Variants in AFG2A observed in about 807,000 individuals in gnomAD.
The protein encoded by AFG2A is AAA ATPase AFG2A.
the AFG2A span, among the ~76,000 whole-genome samples, chr4:123,106,710 G>A: frequency 1.3e-5 from 2 of 152,216 alleles, no homozygotes; most frequent in African/African-American, 2.4e-5. Context: ...AGGGGACTTG[G>A]AGTGTTGCTT....
At chr4:123,123,556 A>T in the AFG2A span, among the ~76,000 whole-genome samples, 1 of 152,156 alleles carries the variant, frequency 6.6e-6, no homozygotes, top group Non-Finnish European at 1.5e-5. Context: ...TATCTGGTAT[A>T]CTCTGCAATA....
the AFG2A span, among the ~76,000 whole-genome samples, chr4:123,271,003 G>T: frequency 2.0e-5 from 3 of 152,132 alleles, no homozygotes; most frequent in Non-Finnish European, 2.9e-5. Context: ...CACCTATGAA[G>T]AAGCAAAGCC....
At chr4:123,319,127 T>G in the AFG2A span, 1 of 152,212 alleles carries the variant, frequency 6.6e-6, no homozygotes, top group Non-Finnish European at 1.5e-5. Flanking sequence ...TCTGTCTTAT[T>G]TCTAATGTGT....
the AFG2A span, among the ~76,000 whole-genome samples, chr4:123,100,492 T>A: frequency 9.9e-5 from 15 of 152,076 alleles, no homozygotes; most frequent in Non-Finnish European, 1.8e-4. Flanking sequence ...TAAAGCATTC[T>A]CATCTTTTTC....
At chr4:122,994,312 T>C in the AFG2A span, among the ~76,000 whole-genome samples, 6 of 152,288 alleles carry the variant, frequency 3.9e-5, no homozygotes, top group African/African-American at 1.4e-4. Flanking sequence ...AACATTTTGC[T>C]GCTTTTATCT....
At chr4:123,241,725 A>G in the AFG2A span, among the ~76,000 whole-genome samples, 1 of 152,220 alleles carries the variant, frequency 6.6e-6, no homozygotes, top group South Asian at 2.1e-4. Context: ...CCGGCAGAAG[A>G]CAAGGATGCC....
the AFG2A span, among the ~76,000 whole-genome samples, chr4:123,202,247 G>T: frequency 2.0e-5 from 3 of 152,112 alleles, no homozygotes; most frequent in Non-Finnish European, 4.4e-5. Flanking sequence ...TCAGAACAGT[G>T]ATCTCTGAAC....
At chr4:123,276,235 T>G in the AFG2A span, among the ~76,000 whole-genome samples, 5 of 152,146 alleles carry the variant, frequency 3.3e-5, no homozygotes, top group African/African-American at 9.6e-5. Context: ...CTCTAGTGAT[T>G]AGTGATGTTG....
At chr4:123,212,712 A>G in the AFG2A span, among the ~76,000 whole-genome samples, 2,563 of 152,212 alleles carry the variant, frequency 0.017, 80 homozygotes, top group African/African-American at 0.058. Context: ...ATCAGGCAAA[A>G]TTGCTTTCAC....
the AFG2A span, chr4:123,057,296 G>C: frequency 6.2e-7 from 1 of 1,609,892 alleles, no homozygotes; most frequent in South Asian, 1.1e-5. Flanking sequence ...CAGGTAAGAA[G>C]TATTTAATAG....
chr4:122,926,687 A>G, the AFG2A span, among the ~76,000 whole-genome samples: 1 of 152,198 alleles, frequency 6.6e-6, no homozygotes, highest in African/African-American at 2.4e-5. Context: ...ATTATGGTAT[A>G]TATGTTTACA....
chr4:123,119,137 A>G, the AFG2A span, among the ~76,000 whole-genome samples: 1 of 151,918 alleles, frequency 6.6e-6, no homozygotes, highest in Admixed American at 6.6e-5. Context: ...TTTTTTTTCT[A>G]AAAAATAATA....
the AFG2A span, among the ~76,000 whole-genome samples, chr4:123,297,495 G>T: frequency 0.69 from 105,093 of 152,040 alleles, 38,474 homozygotes; most frequent in Non-Finnish European, 0.81. Context: ...GCCGAGGCTG[G>T]CAGATCACAA....
the AFG2A span, among the ~76,000 whole-genome samples, chr4:123,133,710 T>A: frequency 6.6e-6 from 1 of 152,186 alleles, no homozygotes; most frequent in African/African-American, 2.4e-5. Flanking sequence ...AATATCACTT[T>A]ATATTGTTTT....
the AFG2A span, among the ~76,000 whole-genome samples, chr4:123,204,584 T>G: frequency 1.3e-5 from 2 of 152,228 alleles, no homozygotes; most frequent in Admixed American, 6.5e-5. Context: ...AATATGTGGT[T>G]TGCAAATATT....
chr4:123,039,556 AACTTAATTT>A, the AFG2A span, among the ~76,000 whole-genome samples: 1 of 151,914 alleles, frequency 6.6e-6, no homozygotes, highest in Non-Finnish European at 1.5e-5. Context: ...CCTTGTGTAA[AACTTAATTT>A]ACCACATGTA....
At chr4:123,225,615 C>T in the AFG2A span, among the ~76,000 whole-genome samples, 2 of 152,066 alleles carry the variant, frequency 1.3e-5, no homozygotes, top group African/African-American at 4.8e-5. Flanking sequence ...TTACTGTAGC[C>T]TTGTAGTATA....
the AFG2A span, among the ~76,000 whole-genome samples, chr4:123,193,406 G>A: frequency 2.6e-5 from 4 of 152,130 alleles, no homozygotes; most frequent in African/African-American, 7.2e-5. Context: ...ATGAAACGTT[G>A]ACCTTCAATG....
the AFG2A span, among the ~76,000 whole-genome samples, chr4:123,011,668 G>A: frequency 6.6e-6 from 1 of 152,154 alleles, no homozygotes; most frequent in African/African-American, 2.4e-5. Flanking sequence ...GGGGTCAAGC[G>A]GTGTTGGAGA....
Sources: gnomAD v4.1 joint callset for allele counts (sites outside exome capture counted in the v4.1 genomes callset) on GRCh38, gnomAD v4.1.1 for gene constraint, MANE v1.5 for transcripts, NCBI Gene and HGNC (gene_info 2026-07-23, HGNC 2026-07-21) for gene names.